ZZZ3: variants seen among roughly 807,000 people sequenced by gnomAD.
The protein encoded by ZZZ3 is zinc finger ZZ-type containing 3.
ZZZ3 carries 22 observed loss-of-function variants against 95.2 expected under a neutral mutation model. The observed-to-expected ratio is 0.23, with a 90% CI of 0.17 to 0.33. The LOEUF is 0.33. Ranked by LOEUF, ZZZ3 falls within the 10% of genes least tolerant of loss-of-function variation. ZZZ3 has a pLI of 1.00. For synonymous variants in ZZZ3, 335 were observed against 358.9 expected (o/e 0.93, Z 0.75); for missense variants, 885 against 1,066.5 (o/e 0.83, Z 2.37).
At chr1:77,672,002 T>C (rs779645395) in intron 1 of ZZZ3, among the ~76,000 whole-genome samples, 2 of 152,156 alleles carry the variant, frequency 1.3e-5, no homozygotes, top group Non-Finnish European at 2.9e-5. Context: ...ATGATTCACA[T>C]AACAGGCACG....
rs1363776454 is a variant in ZZZ3, at chr1:77,633,844, A to G, written c.-51-439T>C. 2.0e-5 allele frequency among the ~76,000 whole-genome samples: 3 copies of G among 152,296 alleles called. No individual in the cohort carries two copies. The East Asian group carries it at 5.8e-4, about 29-fold the overall frequency. On this transcript the variant is annotated intron_variant, in intron 4 of 14. Transcript: ENST00000370801. Reference sequence around the variant, plus strand: ...GGCATAAAACACCCAGAAGAGATCTATCCTAAAGATGTGATTTCATTTTGG... The same window carrying G: ...GGCATAAAACACCCAGAAGAGATCTGTCCTAAAGATGTGATTTCATTTTGG...
chr1:77,682,413 T>G (rs931070106), intron 1 of ZZZ3, among the ~76,000 whole-genome samples, 172 bp downstream of exon 1: 1 of 152,132 alleles, frequency 6.6e-6, no homozygotes, highest in African/African-American at 2.4e-5. Context: ...GAGAAGGACC[T>G]GGCTGAGGGG....
In ZZZ3 at chr1:77,631,963, T is replaced by G; in HGVS notation, c.1392A>C (p.Gly464=). The change falls in exon 5 of 15, where the codon GGA becomes GGC. Residue 464 remains glycine (G), a synonymous_variant. Transcript: ENST00000370801. The part of the protein sequence containing the change: ...KPPSEARLNI[G]HLPSAKESAS... ...CACTCTCTTTGGCAGATGGCAAATG[T>G]CCAATATTGAGTCTTGCCTCTGAGG... is the stretch of plus-strand genomic sequence containing the variant. 6.2e-7 allele frequency: 1 copy of G among 1,614,162 alleles called. No individual in the cohort carries two copies. The highest frequency in any genetic ancestry group is 8.5e-7 in the Non-Finnish European group (1 of 1,179,992).
intron 12 of ZZZ3, among the ~76,000 whole-genome samples, chr1:77,571,823 T>G (rs1661418034): frequency 6.6e-6 from 1 of 152,182 alleles, no homozygotes; most frequent in Admixed American, 6.5e-5. Context: ...GTTTCAGTCA[T>G]GTAAGCTGAG....
At chr1:77,616,436 C>T (rs1051014883) in intron 5 of ZZZ3, among the ~76,000 whole-genome samples, 2 of 152,208 alleles carry the variant, frequency 1.3e-5, no homozygotes, top group Non-Finnish European at 2.9e-5. Context: ...CTATATACTT[C>T]AAGAGAATCT....
chr1:77,574,952 G>A (rs1237679195), intron 12 of ZZZ3, among the ~76,000 whole-genome samples: 2 of 152,320 alleles, frequency 1.3e-5, no homozygotes, highest in Middle Eastern at 3.4e-3. Context: ...TTGGGAGGCC[G>A]AGGCAGGCAG....
intron 5 of ZZZ3, among the ~76,000 whole-genome samples, chr1:77,620,663 T>C (rs1184382129): frequency 1.3e-5 from 2 of 152,172 alleles, no homozygotes; most frequent in African/African-American, 4.8e-5. Flanking sequence ...ACGTGAATAT[T>C]CAATGTGAGT....
chr1:77,605,140 G>C (rs1447693449), intron 5 of ZZZ3, among the ~76,000 whole-genome samples: 2 of 152,146 alleles, frequency 1.3e-5, no homozygotes, highest in Non-Finnish European at 2.9e-5. Flanking sequence ...CACTGAAGAG[G>C]GTAGGAAAGA....
intron 5 of ZZZ3, among the ~76,000 whole-genome samples, chr1:77,625,685 C>A (rs1273543625): frequency 6.6e-6 from 1 of 151,860 alleles, no homozygotes; most frequent in African/African-American, 2.4e-5. Flanking sequence ...AAAAGATGAA[C>A]CTAAATCAAA....
intron 5 of ZZZ3, among the ~76,000 whole-genome samples, chr1:77,587,037 C>T (rs946901412): frequency 1.3e-5 from 2 of 152,090 alleles, no homozygotes; most frequent in African/African-American, 4.8e-5. Flanking sequence ...ATACTAAAAG[C>T]ATTAGTAATT....
chr1:77,623,899 A>T (rs1195630071), intron 5 of ZZZ3, among the ~76,000 whole-genome samples: 1 of 152,140 alleles, frequency 6.6e-6, no homozygotes, highest in East Asian at 1.9e-4. Flanking sequence ...AGTTAAACAA[A>T]CAAAAAGATT....
chr1:77,565,732 T>C lies in ZZZ3; in HGVS notation c.2620A>G (p.Arg874Gly). Residue 874 changes from arginine (R) to glycine (G), a missense_variant, in exon 15 of 15, where the codon AGG becomes GGG. By Grantham distance (125) the Arg-to-Gly change is moderately radical. Transcript: ENST00000370801. Reference protein sequence around the residue: ...KEDHQLEPIYRSETFLDRDYC... With the variant: ...KEDHQLEPIYGSETFLDRDYC... ...TCTCTGTCTAAGAATGTCTCTGACCTATAAATAGGTTCTAATTGGTGATCT... is the reference window on the plus strand; with the variant it reads ...TCTCTGTCTAAGAATGTCTCTGACCCATAAATAGGTTCTAATTGGTGATCT... 1 of 1,613,798 alleles carries C rather than the reference T, an allele frequency of 6.2e-7. No homozygotes were observed. Among genetic ancestry groups the C allele is most frequent in the Non-Finnish European group, 8.5e-7 (1 of 1,179,748 alleles).
intron 12 of ZZZ3, among the ~76,000 whole-genome samples, chr1:77,572,113 TA>T (rs1302771733): frequency 2.0e-5 from 3 of 152,204 alleles, no homozygotes; most frequent in African/African-American, 7.2e-5. Flanking sequence ...AAAGAGAAAC[TA>T]AAATCTATAA....
intron 1 of ZZZ3, among the ~76,000 whole-genome samples, chr1:77,681,853 C>G (rs1317298484): frequency 1.3e-5 from 2 of 150,262 alleles, no homozygotes; most frequent in African/African-American, 2.5e-5. Context: ...GAGCCGAGAT[C>G]GCCCCACTAC....
chr1:77,603,674 A>G (rs1256488272), intron 5 of ZZZ3, among the ~76,000 whole-genome samples: 1 of 152,168 alleles, frequency 6.6e-6, no homozygotes, highest in Non-Finnish European at 1.5e-5. Context: ...CTAGGAATCT[A>G]CATTTTTAAC....
chr1:77,615,632 T>G (rs1666235974), intron 5 of ZZZ3, among the ~76,000 whole-genome samples: 1 of 152,196 alleles, frequency 6.6e-6, no homozygotes, highest in Non-Finnish European at 1.5e-5. Context: ...AAAAATATAT[T>G]TCTCCATGTT....
chr1:77,669,743 C>A (rs1671578155), intron 1 of ZZZ3, among the ~76,000 whole-genome samples: 1 of 152,032 alleles, frequency 6.6e-6, no homozygotes, highest in South Asian at 2.1e-4. Flanking sequence ...CAGGCGTGAG[C>A]CACTGCGCCC....
chr1:77,669,462 T>C (rs913321094), intron 1 of ZZZ3, among the ~76,000 whole-genome samples: 1 of 145,310 alleles, frequency 6.9e-6, no homozygotes, highest in Non-Finnish European at 1.5e-5. Context: ...CAGTTTTTTT[T>C]TTTTTTTTTT....
At chr1:77,647,988 C>G (rs1669447244) in intron 1 of ZZZ3, among the ~76,000 whole-genome samples, 1 of 152,038 alleles carries the variant, frequency 6.6e-6, no homozygotes, top group African/African-American at 2.4e-5. Context: ...AGAACACAGG[C>G]CAAGAATATT....
Sources: gnomAD v4.1 joint callset for allele counts (sites outside exome capture counted in the v4.1 genomes callset) on GRCh38, gnomAD v4.1.1 for gene constraint, MANE v1.5 for transcripts, NCBI Gene and HGNC (gene_info 2026-07-23, HGNC 2026-07-21) for gene names.